Variants in ST18 observed in about 807,000 individuals in gnomAD.
The protein encoded by ST18 is ST18 C2H2C-type zinc finger transcription factor.
A neutral mutation model predicts 110.0 loss-of-function variants in ST18; 50 were observed. The ratio of observed to expected loss-of-function variants is 0.45; its 90% CI spans 0.36 to 0.58. The LOEUF is 0.58. Among genes scored for constraint, ST18 ranks in the 20% least tolerant of loss-of-function variants. The pLI, the probability that ST18 is intolerant of heterozygous loss-of-function variation, is 0.00. For synonymous variants in ST18, 461 were observed against 452.4 expected, an observed-to-expected ratio of 1.02 and a Z score of -0.24; for missense variants, 1,306 against 1,280.1, an observed-to-expected ratio of 1.02 and a Z score of -0.31.
chr8:52,269,143 G>A (rs2094984539), intron 2 of ST18, among the ~76,000 whole-genome samples: 2 of 152,358 alleles, frequency 1.3e-5, no homozygotes, highest in South Asian at 4.1e-4. Flanking sequence ...TATCAAAGAT[G>A]TAGGCCAATG....
At chr8:52,233,374 C>T (rs1423375160) in intron 2 of ST18, among the ~76,000 whole-genome samples, 1 of 152,008 alleles carries the variant, frequency 6.6e-6, no homozygotes, top group Non-Finnish European at 1.5e-5. Flanking sequence ...TTCTCGGTAA[C>T]ATGGGAGAAC....
intron 2 of ST18, among the ~76,000 whole-genome samples, chr8:52,267,332 G>A (rs751782361): frequency 6.6e-6 from 1 of 151,900 alleles, no homozygotes; most frequent in Non-Finnish European, 1.5e-5. Context: ...GTAGGAGTAC[G>A]CAGGAACCAG....
At chr8:52,236,112 A>C (rs2137239845) in intron 2 of ST18, among the ~76,000 whole-genome samples, 1 of 152,300 alleles carries the variant, frequency 6.6e-6, no homozygotes, top group African/African-American at 2.4e-5. Flanking sequence ...AAATGGTCTA[A>C]AGGAGGCAAC....
chr8:52,295,718 T>C (rs1462923692), intron 2 of ST18, among the ~76,000 whole-genome samples: 1 of 150,404 alleles, frequency 6.6e-6, no homozygotes, highest in Non-Finnish European at 1.5e-5. Context: ...TCCTTTTTTT[T>C]TTTTTTTTTT....
intron 8 of ST18, among the ~76,000 whole-genome samples, chr8:52,208,205 C>T (rs2080801658): frequency 6.6e-6 from 1 of 152,086 alleles, no homozygotes; most frequent in South Asian, 2.1e-4. Context: ...TTAGTATTTT[C>T]GTAAGTAGTC....
chr8:52,388,384 C>T (rs913124849), intron 2 of ST18, among the ~76,000 whole-genome samples: 2 of 152,056 alleles, frequency 1.3e-5, no homozygotes, highest in Admixed American at 1.3e-4. Context: ...CTCCCACCCG[C>T]CTCCAACTCC....
intron 8 of ST18, among the ~76,000 whole-genome samples, chr8:52,197,889 G>GCACA (rs57662247): frequency 0.17 from 25,850 of 150,094 alleles, 2,551 homozygotes; most frequent in Middle Eastern, 0.27. Context: ...AACAAAATGA[G>GCACA]CACACACACA....
intron 2 of ST18, among the ~76,000 whole-genome samples, chr8:52,362,127 A>G (rs1825990496): frequency 2.6e-5 from 4 of 152,176 alleles, no homozygotes; most frequent in Admixed American, 2.6e-4. Context: ...TGAACCTGGG[A>G]TGTTTTCCCA....
intron 2 of ST18, among the ~76,000 whole-genome samples, chr8:52,329,426 A>G (rs906173463): frequency 6.6e-6 from 1 of 152,130 alleles, no homozygotes; most frequent in Non-Finnish European, 1.5e-5. Context: ...TCCTCTCTGA[A>G]CACGTTCCTT....
chr8:52,260,243 C>A (rs1465242475), intron 2 of ST18, among the ~76,000 whole-genome samples: 1 of 152,154 alleles, frequency 6.6e-6, no homozygotes, highest in Non-Finnish European at 1.5e-5. Context: ...ATCTCTATAC[C>A]TATACCTATG....
At chr8:52,120,164 C>T (rs781691516) in intron 23 of ST18, among the ~76,000 whole-genome samples, 6 of 152,130 alleles carry the variant, frequency 3.9e-5, no homozygotes, top group Non-Finnish European at 7.4e-5. Context: ...GGGATCTCCT[C>T]TCAGACAACT....
chr8:52,165,723 C>G (rs1021315596), intron 11 of ST18, among the ~76,000 whole-genome samples: 2 of 152,198 alleles, frequency 1.3e-5, no homozygotes, highest in African/African-American at 4.8e-5. Flanking sequence ...GAGCGAAGAG[C>G]CAGAGAACCA....
chr8:52,228,119 C>T lies in ST18; in HGVS notation c.-419+1913G>A, dbSNP rs141840665. On this transcript the variant is annotated intron_variant, in intron 3 of 25. Transcript: ENST00000689386. ...AGTTAAGGAGAATTTACAATTTTGT[C>T]TTCTCTTATGTTGAAAACATCAGCT... Among the ~76,000 whole-genome samples the T allele has an allele frequency of 5.9e-5, 9 of 152,170 alleles. No homozygotes were observed. The East Asian group carries it at 1.4e-3, about 23-fold the overall frequency.
At chr8:52,354,309 A>G (rs1169596371) in intron 2 of ST18, among the ~76,000 whole-genome samples, 1 of 152,214 alleles carries the variant, frequency 6.6e-6, no homozygotes, top group Non-Finnish European at 1.5e-5. Flanking sequence ...CAGCAATCAG[A>G]TGAGCCATGA....
At chr8:52,128,264 C>A (rs1206708579) in intron 22 of ST18, among the ~76,000 whole-genome samples, 1 of 152,170 alleles carries the variant, frequency 6.6e-6, no homozygotes, top group Non-Finnish European at 1.5e-5. Context: ...CCACGGTGCC[C>A]AGCTGCAATT....
At chr8:52,200,730 T>G (rs1564021154) in intron 8 of ST18, among the ~76,000 whole-genome samples, 1 of 152,044 alleles carries the variant, frequency 6.6e-6, no homozygotes, top group Non-Finnish European at 1.5e-5. Context: ...GATGGTAGAT[T>G]TATTTTGAAG....
rs760687569 is a variant in ST18, at chr8:52,149,947, T to A, written c.1837A>T (p.Thr613Ser). Residue 613 changes from threonine to serine, a missense_variant, in exon 16 of 26, where the codon ACA becomes TCA. Thr to Ser is a moderately conservative substitution (Grantham distance 58). Transcript: ENST00000689386. ...TTTTTTTTCATGCTTAAGTCCAATG[T>A]GCCATTTTCATCCACTTCTATTTCG... Reference protein sequence around the residue: ...GAEIEVDENGTLDLSMKKNRI... With the variant: ...GAEIEVDENGSLDLSMKKNRI... 1.9e-6 allele frequency: 3 copies of A among 1,613,958 alleles called. No homozygotes were observed. Among genetic ancestry groups the A allele is most frequent in the African/African-American group, 2.7e-5 (2 of 74,912 alleles).
intron 2 of ST18, among the ~76,000 whole-genome samples, chr8:52,374,490 A>AT (rs1564608144): frequency 6.6e-6 from 1 of 151,870 alleles, no homozygotes; most frequent in Non-Finnish European, 1.5e-5. Flanking sequence ...ATCAATTTCC[A>AT]TTTTTTTCTT....
intron 8 of ST18, among the ~76,000 whole-genome samples, chr8:52,186,052 G>A (rs998869250): frequency 6.6e-6 from 1 of 152,122 alleles, no homozygotes; most frequent in Non-Finnish European, 1.5e-5. Flanking sequence ...GTTGTGAAGA[G>A]CCATGAGCCC....
Sources: gnomAD v4.1 joint callset for allele counts (sites outside exome capture counted in the v4.1 genomes callset) on GRCh38, gnomAD v4.1.1 for gene constraint, MANE v1.5 for transcripts, NCBI Gene and HGNC (gene_info 2026-07-23, HGNC 2026-07-21) for gene names.